SLC15A5: variants seen among roughly 807,000 people sequenced by gnomAD.
The protein encoded by SLC15A5 is Peptide/histidine transporter ENSP00000340402.
In SLC15A5, 58 loss-of-function variants were observed where a neutral mutation model predicts 56.1. The ratio of observed to expected loss-of-function variants is 1.03; its 90% CI spans 0.84 to 1.29. The LOEUF (loss-of-function observed/expected upper bound fraction) is 1.29, where lower values mean the gene tolerates loss of function less well. Ranked by LOEUF, SLC15A5 falls within the 50% of genes most tolerant of loss-of-function variation. SLC15A5 has a pLI of 0.00. For synonymous variants in SLC15A5, 264 were observed against 250.5 expected, an observed-to-expected ratio of 1.05 and a Z score of -0.51; for missense variants, 681 against 672.1, an observed-to-expected ratio of 1.01 and a Z score of -0.15.
chr12:16,240,508 A>G (rs551590072), intron 4 of SLC15A5, among the ~76,000 whole-genome samples: 1 of 152,312 alleles, frequency 6.6e-6, no homozygotes, highest in Admixed American at 6.5e-5. Context: ...TGATGCTAGA[A>G]TTCCATAAAG....
intron 3 of SLC15A5, among the ~76,000 whole-genome samples, chr12:16,250,878 T>A (rs962253685): frequency 1.3e-5 from 2 of 151,930 alleles, no homozygotes; most frequent in African/African-American, 4.8e-5. Flanking sequence ...ATTGAAGAAT[T>A]TTATTACAAA....
At chr12:16,248,015 A>G (rs1864479496) in intron 3 of SLC15A5, among the ~76,000 whole-genome samples, 1 of 152,064 alleles carries the variant, frequency 6.6e-6, no homozygotes, top group Non-Finnish European at 1.5e-5. Flanking sequence ...GTTTTTGAAC[A>G]ATCAGTAAAA....
intron 5 of SLC15A5, among the ~76,000 whole-genome samples, chr12:16,229,345 AAC>A (rs1259702043): frequency 6.6e-6 from 1 of 151,926 alleles, no homozygotes; most frequent in Non-Finnish European, 1.5e-5. Flanking sequence ...GAATATCTTA[AAC>A]TCTTTCTTTT....
intron 4 of SLC15A5, among the ~76,000 whole-genome samples, chr12:16,244,236 AC>A (rs1565668638): frequency 6.6e-6 from 1 of 152,102 alleles, no homozygotes; most frequent in Non-Finnish European, 1.5e-5. Context: ...GGAAGGCAAA[AC>A]CTTTGGCTAA....
intron 8 of SLC15A5, among the ~76,000 whole-genome samples, chr12:16,193,795 G>C (rs1162776502): frequency 1.8e-4 from 5 of 28,540 alleles, no homozygotes; most frequent in African/African-American, 7.3e-4. Flanking sequence ...GAGAGAGAGA[G>C]AGAGAGAGAG....
chr12:16,262,583 T>G (rs1030974155), intron 2 of SLC15A5, among the ~76,000 whole-genome samples: 1 of 152,238 alleles, frequency 6.6e-6, no homozygotes, highest in Non-Finnish European at 1.5e-5. Flanking sequence ...TCATCAAATG[T>G]TCATTTTTCT....
At chr12:16,265,933 C>A (rs535539720) in intron 2 of SLC15A5, among the ~76,000 whole-genome samples, 1 of 152,064 alleles carries the variant, frequency 6.6e-6, no homozygotes, top group Non-Finnish European at 1.5e-5. Flanking sequence ...GTACTAGGTT[C>A]AAAATAAATG....
intron 5 of SLC15A5, among the ~76,000 whole-genome samples, chr12:16,231,305 T>G (rs1591649634): frequency 6.6e-6 from 1 of 152,260 alleles, no homozygotes; most frequent in Middle Eastern, 3.4e-3. Context: ...CTCATTCTAG[T>G]TAAATGATGG....
intron 2 of SLC15A5, among the ~76,000 whole-genome samples, chr12:16,259,897 C>CGG (rs148955043): frequency 0.13 from 17,911 of 140,138 alleles, 1,451 homozygotes; most frequent in East Asian, 0.23. Context: ...TGACACCACC[C>CGG]GGGCGGGGGG....
chr12:16,224,453 C>T lies in SLC15A5; in HGVS notation c.1312G>A (p.Val438Ile). The change falls in exon 6 of 9, where the codon GTT becomes ATT. Residue 438 changes from valine (V) to isoleucine (I), a missense_variant. By Grantham distance (29) the Val-to-Ile change is conservative. Coordinates refer to ENST00000344941, the MANE Select transcript of SLC15A5 (RefSeq NM_001170798.1). Reference protein sequence around the residue: ...MPCFYLILQYVLLGVAETLVN... With the variant: ...MPCFYLILQYILLGVAETLVN... ...AGTGTTTCCGCCACTCCAAGTAAAA[C>T]ATACTGAAGAATCAGGTAGAAACAG... The T allele has an allele frequency of 6.5e-7, 1 of 1,537,190 alleles. No homozygotes were observed. Among genetic ancestry groups the T allele is most frequent in the Non-Finnish European group, 8.7e-7 (1 of 1,146,894 alleles).
At chr12:16,267,749 T>C (rs1457815398) in intron 2 of SLC15A5, among the ~76,000 whole-genome samples, 3 of 74,428 alleles carry the variant, frequency 4.0e-5, no homozygotes, top group African/African-American at 1.6e-4. Flanking sequence ...TTTTTTTTTT[T>C]TTTTTTTGAG....
intron 5 of SLC15A5, among the ~76,000 whole-genome samples, chr12:16,231,695 A>G (rs958681202): frequency 1.3e-5 from 2 of 152,224 alleles, no homozygotes; most frequent in Admixed American, 6.5e-5. Context: ...GAGACTGGAG[A>G]TTACTTTTCA....
At chr12:16,230,039 C>T (rs1405489410) in intron 5 of SLC15A5, among the ~76,000 whole-genome samples, 4 of 151,678 alleles carry the variant, frequency 2.6e-5, no homozygotes, top group Admixed American at 6.6e-5. Context: ...ATTAAAGATA[C>T]ATGAGGAAAA....
chr12:16,264,957 T>G (rs577664903), intron 2 of SLC15A5, among the ~76,000 whole-genome samples: 1 of 152,152 alleles, frequency 6.6e-6, no homozygotes, highest in Non-Finnish European at 1.5e-5. Flanking sequence ...ATACAGTGAT[T>G]AAGGGATGAA....
intron 5 of SLC15A5, among the ~76,000 whole-genome samples, chr12:16,234,070 G>T (rs1864324539): frequency 6.6e-6 from 1 of 152,170 alleles, no homozygotes; most frequent in Non-Finnish European, 1.5e-5. Context: ...CTAAAAGCTG[G>T]AAAATTCAAG....
rs778247389 is a variant in SLC15A5, at chr12:16,197,496, G to A, written c.1484-3043C>T. Among the ~76,000 whole-genome samples the A allele has an allele frequency of 7.2e-5, 11 of 152,208 alleles. No homozygotes were observed. The South Asian group carries it at 1.0e-3, about 14-fold the overall frequency. ...TGAATCTTGCCTTAACAGTGTAGTC[G>A]TTGGGCAAATAACTGGACCACTTAA... On this transcript the variant is annotated intron_variant, in intron 7 of 8. Transcript: ENST00000344941.
intron 2 of SLC15A5, among the ~76,000 whole-genome samples, chr12:16,258,433 GTACC>G (rs1309793955): frequency 1.3e-5 from 2 of 151,998 alleles, no homozygotes; most frequent in African/African-American, 4.8e-5. Flanking sequence ...TCACAGAGAG[GTACC>G]TACCCCAGTA....
In SLC15A5 at chr12:16,189,676, C is replaced by G; in HGVS notation, c.1732G>C (p.Ala578Pro). The G allele has an allele frequency of 6.6e-7, 1 of 1,508,042 alleles. No homozygotes were observed. The highest frequency in any genetic ancestry group is 8.8e-7 in the Non-Finnish European group (1 of 1,133,940). 93.4% of individuals were successfully genotyped at this position (1,508,042 alleles called of 1,614,324 possible). The change falls in exon 9 of 9, where the codon GCC becomes CCC. Residue 578 changes from alanine to proline, a missense_variant. By Grantham distance (27) the Ala-to-Pro change is conservative. Transcript: ENST00000344941. ...TAGACTCAAACACAGTTTCATAGGG[C>G]TGTCTCCCAAAGATCAATACTTGAA... The part of the protein sequence containing the change: ...FSSSIDLWET[A>P]L
At chr12:16,246,122 G>C (rs1178987969) in intron 3 of SLC15A5, among the ~76,000 whole-genome samples, 2 of 152,150 alleles carry the variant, frequency 1.3e-5, no homozygotes, top group Non-Finnish European at 2.9e-5. Context: ...TGGCCTTTGT[G>C]AAGTGTGTTT....
Sources: gnomAD v4.1 joint callset for allele counts (sites outside exome capture counted in the v4.1 genomes callset) on GRCh38, gnomAD v4.1.1 for gene constraint, MANE v1.5 for transcripts, NCBI Gene and HGNC (gene_info 2026-07-23, HGNC 2026-07-21) for gene names.